The following DST variants were observed in gnomAD, a reference collection of about 807,000 sequenced individuals.
The protein encoded by DST is bullous pemphigoid antigen.
Under a neutral mutation model 875.2 loss-of-function variants are expected in DST, and 253 were observed. The ratio of observed to expected loss-of-function variants is 0.29; its 90% CI spans 0.26 to 0.32. The LOEUF is 0.32. Among genes scored for constraint, DST ranks in the 10% least tolerant of loss-of-function variants. DST has a pLI of 1.00. For missense variants in DST, 8,287 were observed against 9,111.6 expected (o/e 0.91, Z 3.68); for synonymous variants, 3,124 against 3,197.1 (o/e 0.98, Z 0.77).
chr6:56,631,520 TA>T, intron 29 of DST, 131 bp from the exon 30 acceptor site: 1 of 772,264 alleles, frequency 1.3e-6, no homozygotes, highest in East Asian at 2.7e-5. Context: ...CTTTGTTTGT[TA>T]TCAAAGAAAC....
chr6:56,697,610 G>A (rs773561503), intron 9 of DST, among the ~76,000 whole-genome samples: 11 of 152,120 alleles, frequency 7.2e-5, no homozygotes, highest in Non-Finnish European at 1.5e-4. Context: ...CATCACAACA[G>A]TAAGTAAAAG....
At chr6:56,602,569 A>G (rs1276715098) in intron 43 of DST, among the ~76,000 whole-genome samples, 1 of 152,016 alleles carries the variant, frequency 6.6e-6, no homozygotes, top group Non-Finnish European at 1.5e-5. Flanking sequence ...ATGTATTTAC[A>G]TGATGATTTT....
At chr6:56,586,067 A>G (rs2098141229) in intron 49 of DST, among the ~76,000 whole-genome samples, 1 of 152,146 alleles carries the variant, frequency 6.6e-6, no homozygotes, top group East Asian at 1.9e-4. Flanking sequence ...AAAAATGTAT[A>G]TTCTGTTGAT....
chr6:56,806,491 AGGAAGAATGTGTAAACAGCTACAGCT>A (rs1425235402), intron 4 of DST, among the ~76,000 whole-genome samples: 1 of 152,254 alleles, frequency 6.6e-6, no homozygotes, highest in African/African-American at 2.4e-5. Context: ...CATAATCCAA[AGGAAGAATGTGTAAACAGCTACAGCT>A]GGAGAATGAA....
At chr6:56,759,293 C>CA (rs150376172) in intron 4 of DST, among the ~76,000 whole-genome samples, 2 of 151,604 alleles carry the variant, frequency 1.3e-5, no homozygotes, top group African/African-American at 2.4e-5. Flanking sequence ...ATTAAAAAGA[C>CA]AAAAAAAATT....
Position 56,777,550 on chromosome 6 carries a change from A to T in DST, c.626-42261T>A, listed in dbSNP as rs559237932. Among the ~76,000 whole-genome samples, 7 of 152,152 alleles carry T rather than the reference A, an allele frequency of 4.6e-5. No homozygotes were observed. The South Asian group carries it at 1.4e-3, about 32-fold the overall frequency. Reference sequence around the variant, plus strand: ...CTTGCTCATAAAAGAAAGAGGAAAAAGTGAGTGGTCCAAATAAACCCACTT... The same window carrying T: ...CTTGCTCATAAAAGAAAGAGGAAAATGTGAGTGGTCCAAATAAACCCACTT... On this transcript the variant is annotated intron_variant, in intron 4 of 103. Coordinates refer to ENST00000680361, the MANE Select transcript of DST (RefSeq NM_001374736.1).
chr6:56,935,601 A>G (rs757809345), intron 2 of DST, among the ~76,000 whole-genome samples: 21 of 152,194 alleles, frequency 1.4e-4, no homozygotes, highest in Non-Finnish European at 2.9e-4. Context: ...TATTTTATGT[A>G]CAGAAGTTGG....
intron 3 of DST, among the ~76,000 whole-genome samples, chr6:56,882,102 A>G (rs980450969): frequency 2.0e-5 from 3 of 151,996 alleles, no homozygotes; most frequent in African/African-American, 7.3e-5. Context: ...CTTGAAATGC[A>G]GAAGGAGAAA....
intron 2 of DST, among the ~76,000 whole-genome samples, chr6:56,927,272 T>C (rs1807690417): frequency 6.6e-6 from 1 of 152,088 alleles, no homozygotes; most frequent in Non-Finnish European, 1.5e-5. Flanking sequence ...CAGAGTCTCA[T>C]AAGGCAATGC....
chr6:56,844,871 CAA>C (rs11389743), intron 4 of DST, among the ~76,000 whole-genome samples: 3 of 123,222 alleles, frequency 2.4e-5, no homozygotes, highest in Non-Finnish European at 3.5e-5. Flanking sequence ...GACTCCGTCT[CAA>C]AAAAAAAAAA....
At chr6:56,751,068 G>A (rs1381494796) in intron 4 of DST, among the ~76,000 whole-genome samples, 1 of 152,012 alleles carries the variant, frequency 6.6e-6, no homozygotes, top group Non-Finnish European at 1.5e-5. Context: ...CAATGCTTCA[G>A]GTTCTGGAAT....
chr6:56,843,569 G>A (rs112513617), intron 4 of DST: 1 of 983,804 alleles, frequency 1.0e-6, no homozygotes, highest in Non-Finnish European at 1.2e-6. Flanking sequence ...CGCGTGCTTC[G>A]GGCCGGGCCG....
intron 36 of DST, among the ~76,000 whole-genome samples, chr6:56,617,755 G>C (rs2098641885): frequency 6.6e-6 from 1 of 152,046 alleles, no homozygotes; most frequent in Non-Finnish European, 1.5e-5. Flanking sequence ...AGATATAACA[G>C]TATATCTATT....
At chr6:56,678,527 C>A (rs949477981) in intron 9 of DST, among the ~76,000 whole-genome samples, 10 of 152,174 alleles carry the variant, frequency 6.6e-5, no homozygotes, top group African/African-American at 2.4e-4. Flanking sequence ...TAGAGAAAAA[C>A]GAAGAGTAGT....
At chr6:56,618,912 G>A in intron 36 of DST, 1 of 1,614,108 alleles carries the variant, frequency 6.2e-7, no homozygotes, top group Non-Finnish European at 8.5e-7. Flanking sequence ...TCTTGCACCT[G>A]AGCTTGTTGT....
Position 56,553,065 on chromosome 6 carries a change from C to T in DST, c.15727G>A (p.Val5243Ile), listed in dbSNP as rs371770639. ...ATCAGTGACTTATTCTCATCTGTAA[C>T]AACTTCTTTATCTATCTCACAGACA... ...LSVCEIDKEV[V>I]TDENKSLIQK... The change falls in exon 61 of 104, where the codon GTT becomes ATT. Residue 5243 changes from valine (V) to isoleucine (I), a missense_variant. Physicochemically the swap from Val to Ile is conservative, Grantham distance 29. Around this residue, in one of 10 missense-constraint regions of DST, gnomAD observed 1,513 missense variants for 1,677.8 expected, o/e 0.90. Coordinates refer to ENST00000680361, the MANE Select transcript of DST (RefSeq NM_001374736.1). The T allele has an allele frequency of 6.2e-7, 1 of 1,613,792 alleles. No homozygotes were observed. The highest frequency in any genetic ancestry group is 2.2e-5 in the East Asian group (1 of 44,894).
At chr6:56,675,550 G>A (rs996526181) in intron 9 of DST, among the ~76,000 whole-genome samples, 1 of 152,102 alleles carries the variant, frequency 6.6e-6, no homozygotes, top group Non-Finnish European at 1.5e-5. Flanking sequence ...AAACAACTCG[G>A]TAATAAGAAA....
intron 61 of DST, among the ~76,000 whole-genome samples, chr6:56,544,749 C>T (rs1300425723): frequency 6.6e-6 from 1 of 152,084 alleles, no homozygotes; most frequent in African/African-American, 2.4e-5. Context: ...TTTTATTGAA[C>T]TGATTTTTAT....
At chr6:56,858,726 C>T (rs113791518) in intron 3 of DST, among the ~76,000 whole-genome samples, 5,365 of 152,250 alleles carry the variant, frequency 0.035, 334 homozygotes, top group African/African-American at 0.12. Flanking sequence ...ACAATCAAGG[C>T]TCAGCACTAA....
Sources: gnomAD v4.1 joint callset for allele counts (sites outside exome capture counted in the v4.1 genomes callset) on GRCh38, gnomAD v4.1.1 for gene constraint, gnomAD v4.1.1 regional missense constraint, MANE v1.5 for transcripts, NCBI Gene and HGNC (gene_info 2026-07-23, HGNC 2026-07-21) for gene names.